Variants in MOCS1 observed in about 807,000 individuals in gnomAD.
MOCS1 encodes the protein molybdenum cofactor biosynthesis protein 1.
MOCS1 carries 39 observed loss-of-function variants against 57.6 expected under a neutral mutation model. The ratio of observed to expected loss-of-function variants is 0.68; its 90% CI spans 0.52 to 0.88. The LOEUF is 0.88. Among genes scored for constraint, MOCS1 ranks in the 40% least tolerant of loss-of-function variants. The pLI, the probability that MOCS1 is intolerant of heterozygous loss-of-function variation, is 0.00. For missense variants in MOCS1, 795 were observed against 831.1 expected (o/e 0.96, Z 0.53); for synonymous variants, 334 against 335.7 (o/e 1.00, Z 0.05).
intron 1 of MOCS1, among the ~76,000 whole-genome samples, chr6:39,933,146 A>G (rs1045339609): frequency 1.2e-4 from 18 of 152,102 alleles, no homozygotes; most frequent in African/African-American, 3.6e-4. Flanking sequence ...AACTCTACTC[A>G]CCTCACATGG....
intron 8 of MOCS1, among the ~76,000 whole-genome samples, chr6:39,911,719 T>C (rs1159175903): frequency 6.6e-6 from 1 of 151,984 alleles, no homozygotes; most frequent in Admixed American, 6.6e-5. Flanking sequence ...AGGTCTGTAG[T>C]GCTCTTGATG....
At position 39,912,977 on chromosome 6, in the gene MOCS1, A is replaced by G. The variant is rs1426497294; in HGVS notation, c.785T>C (p.Val262Ala). 1 of 1,614,108 alleles carries G rather than the reference A, an allele frequency of 6.2e-7. No individual in the cohort carries two copies. The highest frequency in any genetic ancestry group is 8.5e-7 in the Non-Finnish European group (1 of 1,180,020). Residue 262 changes from valine to alanine, a missense_variant, in exon 7 of 11, where the codon GTC becomes GCC. Val to Ala is a moderately conservative substitution (Grantham distance 64). Around this residue, in one of 3 missense-constraint regions of MOCS1, gnomAD observed 416 missense variants for 392.4 expected, o/e 1.06. Coordinates refer to ENST00000340692, the MANE Select transcript of MOCS1 (RefSeq NM_001358530.2). ...DGNKWNFKKM[V>A]SYKEMLDTVR... The stretch of plus-strand genomic sequence containing the variant: ...AGTGTCTAGCATCTCCTTATAGCTG[A>G]CCATCTTCTTGAAGTTCCACTTGTT...
chr6:39,934,358 G>T lies in MOCS1; in HGVS notation c.60C>A (p.Ser20Arg), dbSNP rs1208715055. 3.9e-6 allele frequency: 6 copies of T among 1,554,886 alleles called. No individual in the cohort carries two copies. The highest frequency in any genetic ancestry group is 5.2e-6 in the Non-Finnish European group (6 of 1,154,706). The stretch of plus-strand genomic sequence containing the variant: ...GGGTCACCGGAGCCCCTGAGCTGCA[G>T]CTCCGGGCGCTGGACCTCAGAAGCC... ...LRRLLRSSAR[S>R]CSSGAPVTQP... Residue 20 changes from serine (S) to arginine (R), a missense_variant, in exon 1 of 11, where the codon AGC (serine) becomes AGA (arginine). Around this residue, in one of 3 missense-constraint regions of MOCS1, gnomAD observed 416 missense variants for 392.4 expected, o/e 1.06. Coordinates refer to ENST00000340692, the MANE Select transcript of MOCS1 (RefSeq NM_001358530.2).
intron 3 of MOCS1, among the ~76,000 whole-genome samples, chr6:39,919,795 T>A (rs1767864395): frequency 6.6e-6 from 1 of 152,146 alleles, no homozygotes; most frequent in Non-Finnish European, 1.5e-5. Flanking sequence ...GCTATCCATA[T>A]GGAAAAAAAT....
At chr6:39,914,232 C>G (rs1178638195) in intron 4 of MOCS1, among the ~76,000 whole-genome samples, 1 of 152,198 alleles carries the variant, frequency 6.6e-6, no homozygotes, top group South Asian at 2.1e-4. Context: ...TGAAAACAGG[C>G]AGGGGGCTAG....
Position 39,925,815 on chromosome 6 carries a change from G to A in MOCS1, c.281C>T (p.Pro94Leu), listed in dbSNP as rs769807132. The A allele has an allele frequency of 8.1e-6, 13 of 1,612,614 alleles. No individual in the cohort carries two copies. Among genetic ancestry groups the A allele is most frequent in the East Asian group, 6.7e-5 (3 of 44,864 alleles). ...CQYCMPEEGV[P>L]LTPKANLLTT... ...CAGCAGGTTGGCTTTGGGGGTCAGC[G>A]GGACCCCCTCCTCGGGCATGCAGTA... is the stretch of plus-strand genomic sequence containing the variant. Residue 94 changes from proline to leucine, a missense_variant, in exon 3 of 11, where the codon CCG (proline) becomes CTG (leucine). By Grantham distance (98) the Pro-to-Leu change is moderately conservative. This residue lies in a region of MOCS1 where 416 missense variants were observed against 392.4 expected (regional missense o/e 1.06). Coordinates refer to ENST00000340692, the MANE Select transcript of MOCS1 (RefSeq NM_001358530.2).
intron 1 of MOCS1, among the ~76,000 whole-genome samples, chr6:39,933,081 A>G (rs749682863): frequency 1.0e-4 from 15 of 142,934 alleles, no homozygotes; most frequent in Non-Finnish European, 2.4e-4. Context: ...TGCCCTCTAC[A>G]GCTCTGCGAC....
At chr6:39,925,540 C>T (rs1007227777) in intron 3 of MOCS1, 138 bp downstream of exon 3, 10 of 1,024,292 alleles carry the variant, frequency 9.8e-6, no homozygotes, top group Middle Eastern at 2.3e-4. Flanking sequence ...ATAATAGCAC[C>T]TGTCTCAGCA....
intron 10 of MOCS1, among the ~76,000 whole-genome samples, 162 bp from the exon 11 acceptor site, chr6:39,907,279 A>T (rs1372199936): frequency 2.6e-5 from 4 of 152,146 alleles, no homozygotes; most frequent in Non-Finnish European, 5.9e-5. Flanking sequence ...ACAAAGTAGA[A>T]GATCCACAGA....
rs779013900 is a variant in MOCS1 at position 39,927,627 on chromosome 6, G to A, written c.124-172C>T. 1.9e-6 allele frequency: 3 copies of A among 1,596,268 alleles called. No individual in the cohort carries two copies. The East Asian group carries it at 6.7e-5, about 36-fold the overall frequency. On this transcript the variant is annotated intron_variant, in intron 1 of 10. Transcript: ENST00000340692. ...AAGCTGGGATTGTCCCTCTCGTTGA[G>A]AAATCAGCTTGATGGGAAGGACCCA...
In MOCS1 at chr6:39,909,821, C is replaced by A. The variant is rs185909254; in HGVS notation, c.1102+14G>T. On this transcript the variant is annotated intron_variant, in intron 9 of 10. Coordinates refer to ENST00000340692, the MANE Select transcript of MOCS1 (RefSeq NM_001358530.2). ...ACTCACCATCCAGGCCAGCCCTCCC[C>A]ACCCTGCACTTACCTGCATGCTGCC... The A allele has an allele frequency of 1.9e-6, 3 of 1,612,212 alleles. No homozygotes were observed. Among genetic ancestry groups the A allele is most frequent in the Non-Finnish European group, 2.5e-6 (3 of 1,179,982 alleles).
At chr6:39,913,960 G>T in intron 4 of MOCS1, 125 bp from the exon 5 acceptor site, 1 of 965,732 alleles carries the variant, frequency 1.0e-6, no homozygotes, top group Non-Finnish European at 1.6e-6. Context: ...ACAGGCCAGA[G>T]TAATATCGTA....
At position 39,906,091 on chromosome 6, in the gene MOCS1, T is replaced by TATGAGCAGGAAAAGTTCTGGGCTGGAC. The variant is rs199953923; in HGVS notation, c.*265_*266insGTCCAGCCCAGAACTTTTCCTGCTCAT. The TATGAGCAGGAAAAGTTCTGGGCTGGAC allele has an allele frequency of 1.5e-6, 1 of 666,314 alleles. No homozygotes were observed. Among genetic ancestry groups the TATGAGCAGGAAAAGTTCTGGGCTGGAC allele is most frequent in the African/African-American group, 1.8e-5 (1 of 56,298 alleles). 41.3% of individuals were successfully genotyped at this position (666,314 alleles called of 1,614,324 possible). A position where few individuals can be genotyped will look rare whatever the true frequency, so the allele number is the denominator to read the frequency against. Reference sequence around the variant, plus strand: ...TGATTTCTCAGTTATCTGGCATTGCTTGTTGCAGTCCCGCTCCCACGACCT... The same window carrying TATGAGCAGGAAAAGTTCTGGGCTGGAC: ...TGATTTCTCAGTTATCTGGCATTGCTATGAGCAGGAAAAGTTCTGGGCTGGACTGTTGCAGTCCCGCTCCCACGACCT... On this transcript the variant is annotated 3_prime_UTR_variant, in exon 11 of 11. Coordinates refer to ENST00000340692, the MANE Select transcript of MOCS1 (RefSeq NM_001358530.2).
rs1412471269 is a variant in MOCS1 at position 39,906,679 on chromosome 6, C to T, written c.1589G>A (p.Gly530Glu). 6 of 1,614,132 alleles carry T rather than the reference C, an allele frequency of 3.7e-6. No homozygotes were observed. The East Asian group carries it at 1.1e-4, about 30-fold the overall frequency. Residue 530 changes from glycine to glutamate, a missense_variant, in exon 11 of 11, where the codon GGA becomes GAA. Coordinates refer to ENST00000340692, the MANE Select transcript of MOCS1 (RefSeq NM_001358530.2). ...KLVQQNQLKKGDALVVAQLAG... is the reference protein window; with the variant it reads ...KLVQQNQLKKEDALVVAQLAG... Reference sequence around the variant, plus strand: ...CAGCTGGGCCACCACTAGGGCATCTCCTTTCTTGAGCTGGTTCTGCTGGAC... The same window carrying T: ...CAGCTGGGCCACCACTAGGGCATCTTCTTTCTTGAGCTGGTTCTGCTGGAC...
Position 39,934,452 on chromosome 6 carries a change from G to A in MOCS1, c.-35C>T, listed in dbSNP as rs369987057. ...TACGAGCGGAACCGCAGCCCGCTTC[G>A]GGAGCACACTGGCCGGGCACTCGCC... On this transcript the variant is annotated 5_prime_UTR_variant, in exon 1 of 11. Coordinates refer to ENST00000340692, the MANE Select transcript of MOCS1 (RefSeq NM_001358530.2). 4.5e-6 allele frequency: 7 copies of A among 1,557,358 alleles called. No individual in the cohort carries two copies. The highest frequency in any genetic ancestry group is 1.9e-5 in the Admixed American group (1 of 53,894).
rs1055150265 is a variant in MOCS1, at chr6:39,912,361, G to C, written c.884C>G (p.Pro295Arg). The change falls in exon 8 of 11, where the codon CCT (proline) becomes CGT (arginine). Residue 295 changes from proline to arginine, a missense_variant. By Grantham distance (103) the Pro-to-Arg change is moderately radical (BLOSUM62 -2). Around this residue, in one of 3 missense-constraint regions of MOCS1, gnomAD observed 5 missense variants for 16.1 expected, o/e 0.31. Transcript: ENST00000340692. ...GAAGCTGATCTGGCCTTGGAAGCCA[G>C]GGATTTTAAAGGCCTGGGCAGGGGA... Reference protein sequence around the residue: ...ESSTAKAFKIPGFQGQISFIT... With the variant: ...ESSTAKAFKIRGFQGQISFIT... 6.2e-7 allele frequency: 1 copy of C among 1,613,872 alleles called. No homozygotes were observed. Among genetic ancestry groups the C allele is most frequent in the African/African-American group, 1.3e-5 (1 of 74,934 alleles).
At chr6:39,914,896 T>G (rs867855613) in intron 4 of MOCS1, among the ~76,000 whole-genome samples, 9 of 152,282 alleles carry the variant, frequency 5.9e-5, no homozygotes, top group Middle Eastern at 3.4e-3. Flanking sequence ...AGAACGTGTT[T>G]GCGGGCAGTA....
rs111409017 is a variant in MOCS1, at chr6:39,916,062, G to A, written c.583+6C>T. The stretch of plus-strand genomic sequence containing the variant: ...AGGGACACCCACCCCATCCACATCC[G>A]CTCACCTTTCCTGCGGACAATGAAC... On this transcript the variant is annotated splice_donor_region_variant and intron_variant, in intron 4 of 10. Transcript: ENST00000340692. 5.9e-3 allele frequency: 9,397 copies of A among 1,601,710 alleles called. 420 individuals are homozygous for A. The African/African-American group carries it at 0.1, about 17-fold the overall frequency.
intron 1 of MOCS1, among the ~76,000 whole-genome samples, chr6:39,928,127 C>G (rs1347584334): frequency 1.3e-5 from 2 of 151,722 alleles, no homozygotes; most frequent in African/African-American, 4.8e-5. Flanking sequence ...ACACCCTCGG[C>G]AGAAGCAGGA....
Sources: gnomAD v4.1 joint callset for allele counts (sites outside exome capture counted in the v4.1 genomes callset) on GRCh38, gnomAD v4.1.1 for gene constraint, gnomAD v4.1.1 regional missense constraint, MANE v1.5 for transcripts, NCBI Gene and HGNC (gene_info 2026-07-23, HGNC 2026-07-21) for gene names.